The following CPD variants were observed in gnomAD, a reference collection of about 807,000 sequenced individuals.
CPD encodes carboxypeptidase D.
In CPD, 69 loss-of-function variants were observed where a neutral mutation model predicts 138.3. That is an observed-to-expected ratio of 0.50 (90% CI 0.41 to 0.61). The LOEUF (loss-of-function observed/expected upper bound fraction) is 0.61, where lower values mean the gene tolerates loss of function less well. Ranked by LOEUF, CPD falls within the 20% of genes least tolerant of loss-of-function variation. CPD has a pLI of 0.00. For missense variants in CPD, 1,432 were observed against 1,733.3 expected (o/e 0.83, Z 3.09); for synonymous variants, 651 against 642.1 (o/e 1.01, Z -0.21).
At chr17:30,451,647 A>G (rs1913169179) in intron 13 of CPD, 64 bp from the exon 14 acceptor site, 1 of 1,482,598 alleles carries the variant, frequency 6.7e-7, no homozygotes, top group Non-Finnish European at 9.3e-7. Flanking sequence ...TGTTTGAGGC[A>G]TGAGAGGGTA....
At chr17:30,380,339 TC>T in intron 1 of CPD, 1 of 373,540 alleles carries the variant, frequency 2.7e-6, no homozygotes, top group Non-Finnish European at 4.0e-6. Context: ...CCCAGGATCT[TC>T]CCCTTGCCTA....
intron 1 of CPD, 51 bp from the exon 2 acceptor site, chr17:30,384,938 G>A: frequency 1.9e-6 from 3 of 1,571,454 alleles, no homozygotes; most frequent in Non-Finnish European, 2.6e-6. Context: ...TTTAATGCAT[G>A]GTGTTTTGTG....
chr17:30,437,036 A>T (rs1234883783), intron 8 of CPD, among the ~76,000 whole-genome samples: 1 of 151,202 alleles, frequency 6.6e-6, no homozygotes, highest in South Asian at 2.1e-4. Context: ...TACATATTGT[A>T]TGATTCAGTT....
At chr17:30,382,275 A>G (rs531899594) in intron 1 of CPD, among the ~76,000 whole-genome samples, 1 of 152,298 alleles carries the variant, frequency 6.6e-6, no homozygotes, top group South Asian at 2.1e-4. Context: ...GGATAGCGTA[A>G]TAGAGTTAAT....
chr17:30,387,210 T>G (rs1390793142), intron 2 of CPD, among the ~76,000 whole-genome samples: 1 of 152,220 alleles, frequency 6.6e-6, no homozygotes, highest in African/African-American at 2.4e-5. Flanking sequence ...CTCCGCCTCC[T>G]GGCTTCAAGT....
chr17:30,389,238 T>C (rs775462111), intron 2 of CPD, among the ~76,000 whole-genome samples: 7 of 152,318 alleles, frequency 4.6e-5, no homozygotes, highest in Non-Finnish European at 8.8e-5. Flanking sequence ...GCTGCTGCTA[T>C]CACTTTCTAG....
intron 12 of CPD, among the ~76,000 whole-genome samples, chr17:30,446,609 T>G (rs1011529288): frequency 1.3e-5 from 2 of 152,238 alleles, no homozygotes; most frequent in African/African-American, 4.8e-5. Context: ...AAGTCTTTGC[T>G]ATTGTGAATA....
At chr17:30,407,095 G>A (rs929081871) in intron 2 of CPD, among the ~76,000 whole-genome samples, 1 of 152,168 alleles carries the variant, frequency 6.6e-6, no homozygotes, top group African/African-American at 2.4e-5. Context: ...ATAGTTTGCT[G>A]AGAATGTGGT....
At chr17:30,383,547 T>C (rs1911106604) in intron 1 of CPD, among the ~76,000 whole-genome samples, 2 of 152,200 alleles carry the variant, frequency 1.3e-5, no homozygotes, top group Admixed American at 1.3e-4. Context: ...ATTATAATTA[T>C]ATTAGTTTTT....
chr17:30,431,453 A>G (rs1382800995), intron 7 of CPD, among the ~76,000 whole-genome samples: 1 of 152,018 alleles, frequency 6.6e-6, no homozygotes, highest in Admixed American at 6.6e-5. Flanking sequence ...TTTGATTTTG[A>G]TGGAATCCCG....
chr17:30,391,768 T>C (rs746386062), intron 2 of CPD, among the ~76,000 whole-genome samples: 1 of 152,082 alleles, frequency 6.6e-6, no homozygotes. Flanking sequence ...CTCACAAGAT[T>C]AGGAGGCTCA....
Position 30,464,856 on chromosome 17 carries a change from A to G in CPD, c.*42A>G. ...ATCTCCCAGCATAAGTACCAAGCAAAATTACAGTTCCTCTTGGGAGAACAC... is the reference window on the plus strand; with the variant it reads ...ATCTCCCAGCATAAGTACCAAGCAAGATTACAGTTCCTCTTGGGAGAACAC... On this transcript the variant is annotated 3_prime_UTR_variant, in exon 21 of 21. Coordinates refer to ENST00000225719, the MANE Select transcript of CPD (RefSeq NM_001304.5). 6.7e-7 allele frequency: 1 copy of G among 1,487,734 alleles called. No individual in the cohort carries two copies. The highest frequency in any genetic ancestry group is 9.4e-7 in the Non-Finnish European group (1 of 1,068,096). 92.2% of individuals were successfully genotyped at this position (1,487,734 alleles called of 1,614,324 possible). A position where few individuals can be genotyped will look rare whatever the true frequency, so the allele number is the denominator to read the frequency against.
At position 30,418,786 on chromosome 17, in the gene CPD, A is replaced by G. The variant is rs117906583; in HGVS notation, c.995-2055A>G. On this transcript the variant is annotated intron_variant, in intron 2 of 20. Transcript: ENST00000225719. ...GGATGAACATGAATATAATCAGATC[A>G]TCTCCTGAGATGAGATGTCATGTCA... is the stretch of plus-strand genomic sequence containing the variant. Among the ~76,000 whole-genome samples the G allele has an allele frequency of 2.8e-3, 434 of 152,338 alleles. 20 individuals carry two copies. In the East Asian group the frequency reaches 0.069, roughly 24 times the overall value.
intron 13 of CPD, among the ~76,000 whole-genome samples, chr17:30,451,278 AACTTAAATCAG>A (rs1460914105): frequency 1.3e-5 from 2 of 152,208 alleles, no homozygotes; most frequent in Admixed American, 1.3e-4. Context: ...AGGTGACATG[AACTTAAATCAG>A]ACTGACCAAA....
chr17:30,403,986 T>TA (rs1226316214), intron 2 of CPD, among the ~76,000 whole-genome samples: 3 of 152,206 alleles, frequency 2.0e-5, no homozygotes, highest in Admixed American at 6.5e-5. Flanking sequence ...AGCATTATGC[T>TA]AAGTGAAAGA....
intron 2 of CPD, among the ~76,000 whole-genome samples, chr17:30,390,265 C>T (rs1911317809): frequency 6.6e-6 from 1 of 152,150 alleles, no homozygotes; most frequent in African/African-American, 2.4e-5. Context: ...GATCTGCCCA[C>T]CTTGGCCTCC....
In CPD at chr17:30,469,649, A is replaced by G. The variant is rs1257763426; in HGVS notation, c.*4835A>G. On this transcript the variant is annotated 3_prime_UTR_variant, in exon 21 of 21. Transcript: ENST00000225719. ...ATTCTGAGACACAAATAAAAAAAGAAATTTTTTATTATGTGGTTCAATAGA... is the reference window on the plus strand; with the variant it reads ...ATTCTGAGACACAAATAAAAAAAGAGATTTTTTATTATGTGGTTCAATAGA... The G allele has an allele frequency of 6.6e-6, 1 of 152,166 alleles. No individual in the cohort carries two copies. The highest frequency in any genetic ancestry group is 2.4e-5 in the African/African-American group (1 of 41,454). The allele number at this position is 152,166 out of a possible 1,614,324, so 9.4% of individuals were successfully genotyped here. A position where few individuals can be genotyped will look rare whatever the true frequency, so the allele number is the denominator to read the frequency against.
At chr17:30,434,018 C>A (rs1912635481) in intron 8 of CPD, among the ~76,000 whole-genome samples, 1 of 152,152 alleles carries the variant, frequency 6.6e-6, no homozygotes, top group South Asian at 2.1e-4. Context: ...GGTCAATAAG[C>A]AGCTCCTCTA....
chr17:30,452,419 C>T (rs1361901361), intron 14 of CPD, among the ~76,000 whole-genome samples: 1 of 151,262 alleles, frequency 6.6e-6, no homozygotes, highest in Admixed American at 6.6e-5. Context: ...TTACAGGGAC[C>T]CGCCACCATG....
Sources: allele counts gnomAD v4.1 joint callset (sites outside exome capture counted in the v4.1 genomes callset), GRCh38; gene constraint gnomAD v4.1.1; transcripts MANE v1.5; gene names NCBI Gene and HGNC (gene_info 2026-07-23, HGNC 2026-07-21).